The following TTN variants were observed in gnomAD, a reference collection of about 807,000 sequenced individuals.
The protein encoded by TTN is titin.
In TTN, 1,525 loss-of-function variants were observed where a neutral mutation model predicts 3,223.0. That is an observed-to-expected ratio of 0.47 (90% CI 0.45 to 0.49). TTN has a LOEUF of 0.49. TTN is among the 20% of genes least tolerant of loss of function. TTN has a pLI of 0.00. For synonymous variants in TTN, 14,094 were observed against 15,161.0 expected, an observed-to-expected ratio of 0.93 and a Z score of 5.17; for missense variants, 40,786 against 43,424.0, an observed-to-expected ratio of 0.94 and a Z score of 5.40.
In TTN at chr2:178,560,424, A is replaced by G. The variant is rs753342822; in HGVS notation, c.85708T>C (p.Cys28570Arg). ...TSVTKESMTL[C>R]WSRPESDGGS... is the part of the protein sequence containing the mutation. ...CCATCACTCTCGGGTCTTGACCAGC[A>G]AAGTGTCATAGATTCTTTGGTCACA... The change falls in exon 326 of 363, where the codon TGC (cysteine) becomes CGC (arginine). Residue 28570 changes from cysteine (C) to arginine (R), a missense_variant. Transcript: ENST00000589042. 2 of 1,613,678 alleles carry G rather than the reference A, an allele frequency of 1.2e-6. No individual in the cohort carries two copies. Among genetic ancestry groups the G allele is most frequent in the South Asian group, 1.1e-5 (1 of 91,072 alleles).
chr2:178,606,578 C>G (rs578107471), intron 278 of TTN, among the ~76,000 whole-genome samples: 10 of 152,056 alleles, frequency 6.6e-5, no homozygotes, highest in African/African-American at 2.2e-4. Context: ...TTGGGCCTCT[C>G]TATCCTTCCA....
At chr2:178,581,422 C>T in intron 316 of TTN, 77 bp downstream of exon 316, 1 of 1,253,628 alleles carries the variant, frequency 8.0e-7, no homozygotes, top group Non-Finnish European at 1.1e-6. Context: ...AATTAATCTA[C>T]CTAAGGGAGT....
In TTN at chr2:178,724,511, C is replaced by A. The variant is rs1030144785; in HGVS notation, c.20864G>T (p.Gly6955Val). 17 of 1,601,648 alleles carry A rather than the reference C, an allele frequency of 1.1e-5. No individual in the cohort carries two copies. The highest frequency in any genetic ancestry group is 1.3e-5 in the Non-Finnish European group (15 of 1,171,412). The change falls in exon 72 of 363, where the codon GGA (glycine) becomes GTA (valine). Residue 6955 changes from glycine to valine, a missense_variant. Transcript: ENST00000589042. ...TTCTCCTACAGTCACCGTCATCGGT[C>A]CTGCCTTCTCAACAATGACTGCGGG... ...LEPAVIVEKA[G>V]PMTVTVGETC...
chr2:178,598,873 A>G lies in TTN; in HGVS notation c.56837T>C (p.Val18946Ala). 1 of 1,613,206 alleles carries G rather than the reference A, an allele frequency of 6.2e-7. No individual in the cohort carries two copies. The highest frequency in any genetic ancestry group is 8.5e-7 in the Non-Finnish European group (1 of 1,179,500). ...RDPIKAMTLGVSYKVTGLIEG... is the reference protein window; with the variant it reads ...RDPIKAMTLGASYKVTGLIEG... ...AATAAGACCAGTCACTTTATAAGAA[A>G]CACCCAAAGTCATGGCTTTGATAGG... is the stretch of plus-strand genomic sequence containing the variant. The change falls in exon 291 of 363, where the codon GTT (valine) becomes GCT (alanine). Residue 18946 changes from valine to alanine, a missense_variant. Physicochemically the swap from Val to Ala is moderately conservative, Grantham distance 64. Coordinates refer to ENST00000589042, the MANE Select transcript of TTN (RefSeq NM_001267550.2).
chr2:178,653,187 T>C, intron 198 of TTN, 51 bp downstream of exon 198: 7 of 1,610,856 alleles, frequency 4.3e-6, no homozygotes, highest in Non-Finnish European at 5.9e-6. Flanking sequence ...CAAAATGTCT[T>C]CAACTGCAAA....
intron 315 of TTN, 31 bp from the exon 316 acceptor site, chr2:178,581,835 T>A (rs1217291152): frequency 1.3e-6 from 2 of 1,596,594 alleles, no homozygotes; most frequent in Non-Finnish European, 1.7e-6. Flanking sequence ...GAAATTTTCA[T>A]GAAAACTTCC....
chr2:178,549,926 T>G, intron 337 of TTN, 57 bp from the exon 338 acceptor site: 2 of 1,547,584 alleles, frequency 1.3e-6, no homozygotes, highest in Middle Eastern at 1.7e-4. Context: ...AAAATACAAC[T>G]AGGCATGTCT....
Position 178,631,227 on chromosome 2 carries a change from A to G in TTN, c.43821T>C (p.Cys14607=). 6.2e-7 allele frequency: 1 copy of G among 1,612,784 alleles called. No homozygotes were observed. Among genetic ancestry groups the G allele is most frequent in the South Asian group, 1.1e-5 (1 of 91,022 alleles). Residue 14607 remains cysteine, a synonymous_variant, in exon 237 of 363, where the codon TGT becomes TGC. Coordinates refer to ENST00000589042, the MANE Select transcript of TTN (RefSeq NM_001267550.2). ...CTGGTGCATCTGCTTTGCTAATTTC[A>G]CACTGTAGAATAACTTCATCTTTCT... ...GVEKDEVILQ[C]EISKADAPVK...
At position 178,568,345 on chromosome 2, in the gene TTN, C is replaced by G. The variant is rs1435821903; in HGVS notation, c.77787G>C (p.Gln25929His). The G allele has an allele frequency of 6.2e-7, 1 of 1,613,396 alleles. No individual in the cohort carries two copies. Among genetic ancestry groups the G allele is most frequent in the Non-Finnish European group, 8.5e-7 (1 of 1,179,602 alleles). ...ATACTGTGGTGGTTGTATCTCTTTT[C>G]TGAACAATGTAGTTGGTGATTTGGC... ...GGCQITNYIV[Q>H]KRDTTTTVWD... The change falls in exon 326 of 363, where the codon CAG becomes CAC. Residue 25929 changes from glutamine to histidine, a missense_variant. Gln to His is a conservative substitution (Grantham distance 24). Transcript: ENST00000589042.
In TTN at chr2:178,644,587, G is replaced by T; in HGVS notation, c.40438C>A (p.Pro13480Thr). The T allele has an allele frequency of 1.3e-6, 2 of 1,577,460 alleles. No homozygotes were observed. The highest frequency in any genetic ancestry group is 8.6e-7 in the Non-Finnish European group (1 of 1,165,304). The change falls in exon 218 of 363, where the codon CCT (proline) becomes ACT (threonine). Residue 13480 changes from proline (P) to threonine (T), a missense_variant. Coordinates refer to ENST00000589042, the MANE Select transcript of TTN (RefSeq NM_001267550.2). ...AGCTCCACTTTTTCTGGAACCTGAG[G>T]TTTTTCAGGAACTTTCTTCTTTGGA... Reference protein sequence around the residue: ...AIPKKKVPEKPQVPEKVELTP... With the variant: ...AIPKKKVPEKTQVPEKVELTP...
rs773913022 is a variant in TTN at position 178,653,021 on chromosome 2, C to A, written c.38875+20G>T. On this transcript the variant is annotated intron_variant, in intron 199 of 362. Transcript: ENST00000589042. ...AATGAAGAGTTCAGTCTTCTGAAGC[C>A]TAAAGCCAGTGACAAATACCTTTAA... The A allele has an allele frequency of 1.3e-4, 207 of 1,610,832 alleles. No homozygotes were observed. The highest frequency in any genetic ancestry group is 1.6e-4 in the Non-Finnish European group (191 of 1,178,820).
chr2:178,663,175 T>C, intron 173 of TTN, 91 bp downstream of exon 173: 1 of 1,603,562 alleles, frequency 6.2e-7, no homozygotes, highest in East Asian at 2.2e-5. Flanking sequence ...TAGAATTATA[T>C]CATCTTTATG....
rs577901623 is a variant in TTN, at chr2:178,680,268, G to A, written c.33404C>T (p.Ala11135Val). ...EKVPVPRKEVAPPVRVPEVPK... is the reference protein window; with the variant it reads ...EKVPVPRKEVVPPVRVPEVPK... Reference sequence around the variant, plus strand: ...CCATTAGGTACCTCTAACAGGTGGTGCTACTTCTTTTCTAGGGACAGGTAC... The same window carrying A: ...CCATTAGGTACCTCTAACAGGTGGTACTACTTCTTTTCTAGGGACAGGTAC... The change falls in exon 139 of 363, where the codon GCA becomes GTA. Residue 11135 changes from alanine to valine, a missense_variant. Coordinates refer to ENST00000589042, the MANE Select transcript of TTN (RefSeq NM_001267550.2). The A allele has an allele frequency of 1.9e-6, 3 of 1,611,986 alleles. No individual in the cohort carries two copies. In the East Asian group the frequency reaches 6.7e-5, roughly 36 times the overall value.
intron 43 of TTN, among the ~76,000 whole-genome samples, chr2:178,763,960 T>C (rs1398971222): frequency 6.6e-6 from 1 of 151,996 alleles, no homozygotes; most frequent in African/African-American, 2.4e-5. Flanking sequence ...AAAGAACACA[T>C]AACATAACAT....
At chr2:178,684,156 G>A (rs1290937404) in intron 132 of TTN, 74 bp from the exon 133 acceptor site, 17 of 1,499,722 alleles carry the variant, frequency 1.1e-5, no homozygotes, top group Non-Finnish European at 1.5e-5. Flanking sequence ...TAAAGTAGTA[G>A]CCCAAACATA....
chr2:178,720,713 G>A, intron 79 of TTN, 50 bp from the exon 80 acceptor site: 8 of 1,490,204 alleles, frequency 5.4e-6, no homozygotes, highest in African/African-American at 2.8e-5. Context: ...TACTATAAAG[G>A]AAAAAAAAAT....
chr2:178,764,794 C>G lies in TTN; in HGVS notation c.9721G>C (p.Val3241Leu), dbSNP rs777535305. The G allele has an allele frequency of 1.9e-6, 3 of 1,613,220 alleles. No homozygotes were observed. In the African/African-American group the frequency reaches 4.0e-5, roughly 22 times the overall value. The change falls in exon 42 of 363, where the codon GTT becomes CTT. Residue 3241 changes from valine to leucine, a missense_variant. By Grantham distance (32) the Val-to-Leu change is conservative (BLOSUM62 1). Transcript: ENST00000589042. ...GTGACAGGCTGGAGCTCCTGCAGAA[C>G]TTGGGGCGGTTCAGGAGCTAGGAGT... ...LYVNAPEPPQ[V>L]LQELQPVTVQ...
intron 132 of TTN, 59 bp downstream of exon 132, chr2:178,684,270 GT>G: frequency 6.4e-7 from 1 of 1,552,480 alleles, no homozygotes; most frequent in African/African-American, 1.4e-5. Context: ...CATAACCAGT[GT>G]ATTTGGTAAA....
intron 47 of TTN, among the ~76,000 whole-genome samples, chr2:178,752,289 A>G (rs2085768393): frequency 6.6e-6 from 1 of 152,006 alleles, no homozygotes; most frequent in Non-Finnish European, 1.5e-5. Context: ...AACAAGCAAA[A>G]ATGCATTTCA....
Sources: allele counts gnomAD v4.1 joint callset (sites outside exome capture counted in the v4.1 genomes callset), GRCh38; gene constraint gnomAD v4.1.1; transcripts MANE v1.5; gene names NCBI Gene and HGNC (gene_info 2026-07-23, HGNC 2026-07-21).